Variants in NBPF20 observed in about 807,000 individuals in gnomAD.
NBPF20 encodes the protein NBPF family member NBPF20.
NBPF20 carries 90 observed loss-of-function variants against 68.1 expected under a neutral mutation model. The ratio of observed to expected loss-of-function variants is 1.32; its 90% confidence interval spans 1.11 to 1.58. The LOEUF is 1.58. NBPF20 is among the 40% of genes most tolerant of loss of function. The pLI is 0.00. For synonymous variants in NBPF20, 290 were observed against 228.1 expected (o/e 1.27, Z -2.45); for missense variants, 816 against 601.2 (o/e 1.36, Z -3.74).
At chr1:145,409,784 T>C (rs2749204), upstream of NBPF20, among the ~76,000 whole-genome samples, 1 of 151,958 alleles carries the variant, frequency 6.6e-6, no homozygotes, top group East Asian at 1.9e-4. Context: ...AAGTTAATCA[T>C]TTATGTATTT....
intron 29 of NBPF20, 138 bp downstream of exon 34, chr1:145,377,905 T>C (rs1168968467): frequency 3.0e-6 from 1 of 334,694 alleles, no homozygotes; most frequent in Non-Finnish European, 5.4e-6. Context: ...TCTACTGCAA[T>C]GAAAACCAAC....
intron 137 of NBPF20, 130 bp from the exon 143 acceptor site, chr1:145,291,899 A>C (rs1201566151): frequency 1.1e-5 from 17 of 1,568,784 alleles, no homozygotes; most frequent in Non-Finnish European, 1.5e-5. Flanking sequence ...TGAGGTAAAA[A>C]AAAAATTTAT....
At chr1:145,424,907 AC>A in the NBPF20 span, among the ~76,000 whole-genome samples, 17 of 152,244 alleles carry the variant, frequency 1.1e-4, no homozygotes, top group South Asian at 1.9e-3. Flanking sequence ...GCCTGGAGAA[AC>A]CGCCAGGAGC....
At chr1:145,399,927 G>T (rs1662434879) in intron 6 of NBPF20, among the ~76,000 whole-genome samples, 1 of 151,930 alleles carries the variant, frequency 6.6e-6, no homozygotes, top group African/African-American at 2.4e-5. Context: ...TGATTTCAGG[G>T]TGACTGTGCA....
At chr1:145,400,445 G>A (rs1357723307) in exon 6 of NBPF20, 2 of 1,613,056 alleles carry the variant, frequency 1.2e-6, no homozygotes, top group African/African-American at 1.3e-5. Context: ...GCCAATCAGA[G>A]TTGAGTCGAC....
At chr1:145,306,270 C>A (rs1661405836) in intron 119 of NBPF20, among the ~76,000 whole-genome samples, 3 of 148,100 alleles carry the variant, frequency 2.0e-5, no homozygotes, top group Admixed American at 6.7e-5. Context: ...TAGACACACA[C>A]ACACACACAC....
chr1:145,291,305 G>C (rs1398642269), exon 138 of NBPF20: 22 of 695,070 alleles, frequency 3.2e-5, no homozygotes, highest in Non-Finnish European at 4.8e-5. Flanking sequence ...CTCCCGGCAT[G>C]TGCTGCACAG....
chr1:145,295,133 A>C (rs2101416436), intron 133 of NBPF20, 179 bp from the exon 139 acceptor site: 2 of 641,226 alleles, frequency 3.1e-6, no homozygotes, highest in East Asian at 6.0e-5. Flanking sequence ...GAAAAGAATG[A>C]AAGAGAAAGA....
intron 15 of NBPF20, 90 bp downstream of exon 20, chr1:145,389,031 A>T (rs1661924316): frequency 2.5e-6 from 1 of 399,618 alleles, no homozygotes; most frequent in African/African-American, 1.0e-4. Flanking sequence ...CTTCGTTGAA[A>T]ACATGACATC....
chr1:145,411,401 T>TC, the NBPF20 span, among the ~76,000 whole-genome samples: 1 of 138,176 alleles, frequency 7.2e-6, no homozygotes, highest in Non-Finnish European at 1.6e-5. Context: ...TTTTTTTTTT[T>TC]TTTTTTTTGA....
chr1:145,423,560 C>T, the NBPF20 span, among the ~76,000 whole-genome samples: 2 of 151,920 alleles, frequency 1.3e-5, no homozygotes, highest in South Asian at 2.1e-4. Context: ...AGAAAGGACA[C>T]ATATCCGGAA....
the NBPF20 span, among the ~76,000 whole-genome samples, chr1:145,410,803 T>C: frequency 2.6e-5 from 2 of 76,384 alleles, no homozygotes; most frequent in Non-Finnish European, 5.3e-5. Flanking sequence ...TATACGTATA[T>C]GTATATATAT....
At chr1:145,416,225 A>T in the NBPF20 span, among the ~76,000 whole-genome samples, 440 of 142,222 alleles carry the variant, frequency 3.1e-3, 8 homozygotes, top group Admixed American at 0.024. Context: ...AGCAGATTTT[A>T]AAAAATTCCT....
At position 145,291,369 on chromosome 1, in the gene NBPF20, G is replaced by C. The variant is rs1661066840; in HGVS notation, c.*157C>G. 7 of 1,531,316 alleles carry C rather than the reference G, an allele frequency of 4.6e-6. No individual in the cohort carries two copies. In the South Asian group the frequency reaches 5.1e-5, roughly 11 times the overall value. 94.9% of individuals were successfully genotyped at this position (1,531,316 alleles called of 1,614,324 possible). A position where few individuals can be genotyped will look rare whatever the true frequency, so the allele number is the denominator to read the frequency against. Reference sequence around the variant, plus strand: ...GTCCATTGTCTTCAGACTGAGCACAGGTTGCCACTGGCATGGTTTGAGAAT... The same window carrying C: ...GTCCATTGTCTTCAGACTGAGCACACGTTGCCACTGGCATGGTTTGAGAAT... On this transcript the variant is annotated 3_prime_UTR_variant, in exon 138 of 138. Transcript: ENST00000369373.
chr1:145,393,869 A>T lies in NBPF20; in HGVS notation c.1043+15T>A, dbSNP rs1310397785. 6 of 1,544,518 alleles carry T rather than the reference A, an allele frequency of 3.9e-6. No individual in the cohort carries two copies. Among genetic ancestry groups the T allele is most frequent in the African/African-American group, 1.4e-5 (1 of 73,556 alleles). Reference sequence around the variant, plus strand: ...GTCAACATCAAATTAACTCTCCACAATTTCTCAGACTCACCTGGGACCTGT... The same window carrying T: ...GTCAACATCAAATTAACTCTCCACATTTTCTCAGACTCACCTGGGACCTGT... On this transcript the variant is annotated intron_variant, in intron 9 of 137. Transcript: ENST00000369373.
At position 145,404,522 on chromosome 1, in the gene NBPF20, G is replaced by A. The variant is rs587702113; in HGVS notation, c.175+576C>T. ...TCTGCCCGCCTCAGCCTCCCAAAGT[G>A]CTGAGATTACAGGAGTGAGCCACGT... On this transcript the variant is annotated intron_variant, in intron 2 of 137. Coordinates refer to ENST00000369373, the Ensembl canonical transcript of NBPF20. Among the ~76,000 whole-genome samples, 722 of 152,180 alleles carry A rather than the reference G, an allele frequency of 4.7e-3. 4 individuals carry two copies. Among genetic ancestry groups the A allele is most frequent in the African/African-American group, 0.016 (682 of 41,488 alleles).
upstream of NBPF20, among the ~76,000 whole-genome samples, chr1:145,410,317 C>CTTT (rs782521148): frequency 2.1e-5 from 3 of 142,298 alleles, no homozygotes; most frequent in East Asian, 2.0e-4. Context: ...CATGTATCTT[C>CTTT]TTTTTTTTTT....
chr1:145,421,257 C>T, the NBPF20 span, among the ~76,000 whole-genome samples: 157 of 152,344 alleles, frequency 1.0e-3, no homozygotes, highest in African/African-American at 3.6e-3. Context: ...TCTTTGGAAT[C>T]GCATCTACTG....
chr1:145,425,411 G>A, the NBPF20 span, among the ~76,000 whole-genome samples: 2 of 152,134 alleles, frequency 1.3e-5, no homozygotes, highest in Non-Finnish European at 2.9e-5. Flanking sequence ...GACGGCAGCC[G>A]CGCCGCCGCG....
Sources: allele counts gnomAD v4.1 joint callset (sites outside exome capture counted in the v4.1 genomes callset), GRCh38; gene constraint gnomAD v4.1.1; transcripts MANE v1.5; gene names NCBI Gene and HGNC (gene_info 2026-07-23, HGNC 2026-07-21).